The following NUMA1 variants were observed in gnomAD, a reference collection of about 807,000 sequenced individuals.
NUMA1 encodes nuclear mitotic apparatus protein 1.
NUMA1 carries 62 observed loss-of-function variants against 237.1 expected under a neutral mutation model. The ratio of observed to expected loss-of-function variants is 0.26; its 90% CI spans 0.21 to 0.32. The LOEUF (loss-of-function observed/expected upper bound fraction) is 0.32, where lower values mean the gene tolerates loss of function less well. Ranked by LOEUF, NUMA1 falls within the 10% of genes least tolerant of loss-of-function variation. NUMA1 has a pLI of 1.00. For synonymous variants in NUMA1, 1,028 were observed against 1,066.1 expected, an observed-to-expected ratio of 0.96 and a Z score of 0.70; for missense variants, 2,533 against 2,666.5, an observed-to-expected ratio of 0.95 and a Z score of 1.10.
At chr11:72,076,071 A>G (rs922064584) in intron 1 of NUMA1, among the ~76,000 whole-genome samples, 20 of 152,234 alleles carry the variant, frequency 1.3e-4, no homozygotes, top group African/African-American at 4.8e-4. Flanking sequence ...GGAGGGAAAA[A>G]CCGTCTAGGA....
intron 10 of NUMA1, 121 bp from the exon 11 acceptor site, chr11:72,018,634 T>G: frequency 9.5e-7 from 1 of 1,053,446 alleles, no homozygotes. Context: ...AGGAGGAATA[T>G]GGTATCCAAT....
At chr11:72,056,323 C>CT (rs1202579448) in intron 2 of NUMA1, among the ~76,000 whole-genome samples, 1 of 27,562 alleles carries the variant, frequency 3.6e-5, no homozygotes, top group African/African-American at 8.9e-5. Context: ...GATCCCATCT[C>CT]TCTTTTTTTT....
intron 1 of NUMA1, among the ~76,000 whole-genome samples, chr11:72,075,983 C>T (rs1371288221): frequency 6.6e-6 from 1 of 152,146 alleles, no homozygotes; most frequent in Non-Finnish European, 1.5e-5. Context: ...TAAGTTTATA[C>T]TCAGTAAGAT....
Position 72,005,657 on chromosome 11 carries a change from T to C in NUMA1, c.5693-288A>G, listed in dbSNP as rs544033685. ...GGTGGCCAACACCCAGAGGAACAAATTAAGGACCGGGAATTAATTCCCAGG... is the reference window on the plus strand; with the variant it reads ...GGTGGCCAACACCCAGAGGAACAAACTAAGGACCGGGAATTAATTCCCAGG... On this transcript the variant is annotated intron_variant, in intron 22 of 26. Coordinates refer to ENST00000393695, the MANE Select transcript of NUMA1 (RefSeq NM_006185.4). 9 of 504,618 alleles carry C rather than the reference T, an allele frequency of 1.8e-5. No homozygotes were observed. The South Asian group carries it at 2.2e-4, about 12-fold the overall frequency. 31.3% of individuals were successfully genotyped at this position (504,618 alleles called of 1,614,324 possible).
At chr11:72,073,185 C>T (rs995326757) in intron 1 of NUMA1, among the ~76,000 whole-genome samples, 2 of 151,292 alleles carry the variant, frequency 1.3e-5, no homozygotes, top group African/African-American at 2.4e-5. Context: ...ACAGCAAGAC[C>T]TTGTCTCTAC....
chr11:72,037,588 G>A (rs74903829), intron 2 of NUMA1, among the ~76,000 whole-genome samples: 1 of 152,240 alleles, frequency 6.6e-6, no homozygotes, highest in Non-Finnish European at 1.5e-5. Context: ...CCTTGCCTTT[G>A]AGGGGCTTAT....
At chr11:72,005,107 G>T in intron 23 of NUMA1, 126 bp downstream of exon 23, 1 of 1,132,012 alleles carries the variant, frequency 8.8e-7, no homozygotes. Flanking sequence ...GGAAACATGA[G>T]AAGGTCACCC....
chr11:72,015,218 G>GCCCTCT lies in NUMA1; in HGVS notation c.2279_2284dup (p.Glu760_Arg761dup). On this transcript the variant is annotated inframe_insertion, in exon 15 of 27. Transcript: ENST00000393695. This position sits in a 1 kb window ranked among gnomAD's most constrained non-coding sequence, Gnocchi z 4.0. ...TCGAGCCTCCAGCCCCTTGCGCCCAGCCCTCTCTTCTTCCAGCTCCTTTCG... is the reference window on the plus strand; with the variant it reads ...TCGAGCCTCCAGCCCCTTGCGCCCAGCCCTCTCCCTCTCTTCTTCCAGCTCCTTTCG... The GCCCTCT allele has an allele frequency of 1.2e-6, 2 of 1,613,456 alleles. No homozygotes were observed. The highest frequency in any genetic ancestry group is 1.7e-6 in the Non-Finnish European group (2 of 1,180,036).
intron 13 of NUMA1, 62 bp downstream of exon 13, chr11:72,017,625 A>G (rs780007454): frequency 4.4e-6 from 7 of 1,595,458 alleles, no homozygotes; most frequent in African/African-American, 1.3e-5. Context: ...GCACAGTGGT[A>G]AACTGGACTC....
chr11:72,007,563 T>A (rs1295734416), intron 20 of NUMA1, 128 bp from the exon 21 acceptor site: 1 of 1,210,882 alleles, frequency 8.3e-7, no homozygotes, highest in African/African-American at 1.5e-5. Flanking sequence ...ATCTCTCTGA[T>A]TTTTCAGAGG....
intron 1 of NUMA1, among the ~76,000 whole-genome samples, chr11:72,072,072 A>G (rs1943476666): frequency 6.6e-6 from 1 of 152,154 alleles, no homozygotes; most frequent in African/African-American, 2.4e-5. Context: ...TTCTTAGGGA[A>G]TAAGAGGTTT....
At position 72,018,998 on chromosome 11, in the gene NUMA1, C is replaced by A. The variant is rs771521119; in HGVS notation, c.585-18G>T. On this transcript the variant is annotated intron_variant, in intron 9 of 26. Transcript: ENST00000393695. ...AGAGAAAGCTGAGGAGGGAGAAGGC[C>A]CATATGCATTGGTAAGCGCCTAAGA... 1.2e-6 allele frequency: 2 copies of A among 1,612,732 alleles called. No individual in the cohort carries two copies. The highest frequency in any genetic ancestry group is 2.2e-5 in the South Asian group (2 of 91,032).
At chr11:72,006,340 C>G (rs1955697180) in intron 21 of NUMA1, 77 bp from the exon 22 acceptor site, 12 of 1,263,778 alleles carry the variant, frequency 9.5e-6, no homozygotes, top group Non-Finnish European at 1.3e-5. Flanking sequence ...TTCCGAAGCC[C>G]TCAGATCCCA....
At chr11:72,034,737 G>A (rs939985341) in intron 3 of NUMA1, among the ~76,000 whole-genome samples, 1 of 152,076 alleles carries the variant, frequency 6.6e-6, no homozygotes, top group African/African-American at 2.4e-5. Context: ...GATACTGAGA[G>A]GCCAACTTGC....
Position 72,004,046 on chromosome 11 carries a change from T to C in NUMA1, c.6177A>G (p.Leu2059=), listed in dbSNP as rs767648297. ...AFSILNTPKK[L]GNSLLRRGAS... is the part of the protein sequence containing the mutation. ...CTCCCCGCCGCAGAAGGCTGTTCCC[T>C]AGCTTCTTGGGTGTGTTGAGGATGC... The change falls in exon 26 of 27, where the codon CTA becomes CTG. Residue 2059 remains leucine, a synonymous_variant. Coordinates refer to ENST00000393695, the MANE Select transcript of NUMA1 (RefSeq NM_006185.4). 8 of 1,613,652 alleles carry C rather than the reference T, an allele frequency of 5.0e-6. No individual in the cohort carries two copies. In the South Asian group the frequency reaches 8.8e-5, roughly 18 times the overall value.
At chr11:72,032,823 T>C (rs1057396939) in intron 3 of NUMA1, among the ~76,000 whole-genome samples, 1 of 152,216 alleles carries the variant, frequency 6.6e-6, no homozygotes, top group Non-Finnish European at 1.5e-5. Context: ...TACAGAATAG[T>C]TTCAAGCTAT....
intron 7 of NUMA1, among the ~76,000 whole-genome samples, chr11:72,021,674 C>A (rs1399600948): frequency 5.3e-5 from 8 of 152,238 alleles, no homozygotes; most frequent in African/African-American, 1.9e-4. Flanking sequence ...GTGGCACAAT[C>A]ATAGCTCACT....
At chr11:72,076,766 TAA>T in intron 1 of NUMA1, 1 of 151,640 alleles carries the variant, frequency 6.6e-6, no homozygotes, top group Non-Finnish European at 1.5e-5. Flanking sequence ...GCCTGGAGAA[TAA>T]GAGTAAAATC....
At chr11:72,051,471 AT>A (rs61257330) in intron 2 of NUMA1, among the ~76,000 whole-genome samples, 5,059 of 142,478 alleles carry the variant, frequency 0.036, 76 homozygotes, top group East Asian at 0.075. Flanking sequence ...GAATTCAAAG[AT>A]TTTTTTTTTT....
Sources: gnomAD v4.1 joint callset for allele counts (sites outside exome capture counted in the v4.1 genomes callset) on GRCh38, gnomAD v4.1.1 for gene constraint, Gnocchi (gnomAD v3.1) non-coding constraint, MANE v1.5 for transcripts, NCBI Gene and HGNC (gene_info 2026-07-23, HGNC 2026-07-21) for gene names.